The following SNTB1 variants were observed in gnomAD, a reference collection of about 807,000 sequenced individuals.
SNTB1 encodes syntrophin beta 1.
A neutral mutation model predicts 48.9 loss-of-function variants in SNTB1; 36 were observed. That is an observed-to-expected ratio of 0.74 (90% confidence interval 0.56 to 0.97). SNTB1 has a LOEUF of 0.97. Ranked by LOEUF, SNTB1 falls within the 50% of genes least tolerant of loss-of-function variation. The pLI, the probability that SNTB1 is intolerant of heterozygous loss-of-function variation, is 0.00. For missense variants in SNTB1, 786 were observed against 703.4 expected (o/e 1.12, Z -1.33); for synonymous variants, 299 against 294.6 (o/e 1.01, Z -0.15).
chr8:120,597,350 T>G (rs1816342875), intron 3 of SNTB1, among the ~76,000 whole-genome samples: 1 of 152,248 alleles, frequency 6.6e-6, no homozygotes, highest in Non-Finnish European at 1.5e-5. Context: ...GCCACTGGGT[T>G]TGTGATAATT....
At chr8:120,644,115 G>A (rs1817241466) in intron 2 of SNTB1, among the ~76,000 whole-genome samples, 1 of 152,048 alleles carries the variant, frequency 6.6e-6, no homozygotes, top group South Asian at 2.1e-4. Flanking sequence ...CTGTGTACCA[G>A]TAGCCTATGA....
chr8:120,541,895 T>A lies in SNTB1; in HGVS notation c.1439A>T (p.Gln480Leu). ...QEGAFPKTIIQSPYEKLKMSS... is the reference protein window; with the variant it reads ...QEGAFPKTIILSPYEKLKMSS... ...CATTTTGAGCTTTTCATAAGGAGAC[T>A]GTATGATGGTCTTGGGAAAGGCACC... The change falls in exon 6 of 7, where the codon CAG becomes CTG. Residue 480 changes from glutamine to leucine, a missense_variant. Physicochemically the swap from Gln to Leu is moderately radical, Grantham distance 113. Transcript: ENST00000517992. 6.2e-7 allele frequency: 1 copy of A among 1,613,920 alleles called. No homozygotes were observed. Among genetic ancestry groups the A allele is most frequent in the Non-Finnish European group, 8.5e-7 (1 of 1,179,800 alleles).
intron 3 of SNTB1, among the ~76,000 whole-genome samples, chr8:120,626,175 A>T (rs908169118): frequency 6.6e-6 from 1 of 152,160 alleles, no homozygotes; most frequent in Admixed American, 6.5e-5. Flanking sequence ...ATTAATGGTG[A>T]TCTAACAAAT....
chr8:120,666,576 G>A (rs1043149378), intron 2 of SNTB1, among the ~76,000 whole-genome samples: 2 of 152,024 alleles, frequency 1.3e-5, no homozygotes, highest in African/African-American at 4.8e-5. Flanking sequence ...GGTGTCATTA[G>A]TTTCATATTT....
chr8:120,620,092 A>G (rs969514160), intron 3 of SNTB1, among the ~76,000 whole-genome samples: 1 of 151,652 alleles, frequency 6.6e-6, no homozygotes, highest in Admixed American at 6.6e-5. Flanking sequence ...GTGTGTGTGC[A>G]CACACACACA....
chr8:120,676,380 C>A (rs139400457), intron 2 of SNTB1, among the ~76,000 whole-genome samples: 1 of 152,266 alleles, frequency 6.6e-6, no homozygotes, highest in African/African-American at 2.4e-5. Context: ...TTATTATGCC[C>A]ATTTTACATA....
intron 1 of SNTB1, among the ~76,000 whole-genome samples, chr8:120,784,593 C>T (rs897042608): frequency 2.0e-5 from 3 of 152,144 alleles, no homozygotes; most frequent in African/African-American, 7.2e-5. Flanking sequence ...CAGATCCCTT[C>T]TCTCTCCAGA....
chr8:120,636,687 A>G (rs958888542), intron 2 of SNTB1, among the ~76,000 whole-genome samples: 4 of 151,190 alleles, frequency 2.6e-5, no homozygotes, highest in Non-Finnish European at 4.4e-5. Flanking sequence ...ATTGTGAATA[A>G]TGCCACAATA....
At chr8:120,734,133 T>C (rs554142963) in intron 1 of SNTB1, among the ~76,000 whole-genome samples, 246 of 152,264 alleles carry the variant, frequency 1.6e-3, no homozygotes, top group Non-Finnish European at 3.0e-3. Flanking sequence ...ACCGAAGAAG[T>C]TCCTGCCTGT....
At chr8:120,624,909 C>A (rs990512762) in intron 3 of SNTB1, among the ~76,000 whole-genome samples, 7 of 152,086 alleles carry the variant, frequency 4.6e-5, no homozygotes, top group Non-Finnish European at 7.4e-5. Context: ...CAGTTAAGTC[C>A]AAAACACAAA....
At chr8:120,687,967 G>A (rs979140274) in intron 2 of SNTB1, among the ~76,000 whole-genome samples, 1 of 152,082 alleles carries the variant, frequency 6.6e-6, no homozygotes, top group Non-Finnish European at 1.5e-5. Flanking sequence ...CATCACTAAG[G>A]GTACCTTGTA....
intron 3 of SNTB1, among the ~76,000 whole-genome samples, chr8:120,604,725 G>A (rs1022432536): frequency 3.0e-4 from 46 of 152,246 alleles, no homozygotes; most frequent in African/African-American, 9.4e-4. Flanking sequence ...TGGTGGGATT[G>A]CAGGTGTGAA....
At chr8:120,758,247 T>G (rs899630187) in intron 1 of SNTB1, among the ~76,000 whole-genome samples, 10 of 152,220 alleles carry the variant, frequency 6.6e-5, no homozygotes, top group African/African-American at 2.4e-4. Context: ...ATATTGTTTT[T>G]GCTTAAACAA....
chr8:120,735,660 A>G (rs1818929952), intron 1 of SNTB1, among the ~76,000 whole-genome samples: 1 of 152,242 alleles, frequency 6.6e-6, no homozygotes, highest in African/African-American at 2.4e-5. Flanking sequence ...GAGAGGCCAC[A>G]GAAGAAACCA....
intron 1 of SNTB1, among the ~76,000 whole-genome samples, chr8:120,712,644 T>C (rs1326026779): frequency 2.0e-5 from 3 of 152,158 alleles, no homozygotes; most frequent in Admixed American, 2.0e-4. Flanking sequence ...GCCACTGTAA[T>C]AACATGGTAA....
chr8:120,674,078 G>GT (rs1485396850), intron 2 of SNTB1, among the ~76,000 whole-genome samples: 2 of 152,264 alleles, frequency 1.3e-5, no homozygotes, highest in South Asian at 4.1e-4. Context: ...GTAAAGGAGA[G>GT]TTTTTTTCAT....
chr8:120,543,140 G>A (rs557723351), intron 5 of SNTB1, among the ~76,000 whole-genome samples: 7 of 152,280 alleles, frequency 4.6e-5, no homozygotes, highest in East Asian at 1.9e-4. Context: ...TTATGAGCTG[G>A]GCAAGGGGAC....
intron 2 of SNTB1, among the ~76,000 whole-genome samples, chr8:120,673,609 G>A (rs1348336251): frequency 6.6e-6 from 1 of 151,894 alleles, no homozygotes; most frequent in Non-Finnish European, 1.5e-5. Flanking sequence ...GTGCTTTTAA[G>A]CCACCCTCTC....
chr8:120,795,253 A>C (rs1212165413), intron 1 of SNTB1, among the ~76,000 whole-genome samples: 1 of 151,988 alleles, frequency 6.6e-6, no homozygotes. Context: ...AGTTAAAAAA[A>C]AAAACAAAAA....
Sources: allele counts gnomAD v4.1 joint callset (sites outside exome capture counted in the v4.1 genomes callset), GRCh38; gene constraint gnomAD v4.1.1; transcripts MANE v1.5; gene names NCBI Gene and HGNC (gene_info 2026-07-23, HGNC 2026-07-21).